MYH10: variants seen among roughly 807,000 people sequenced by gnomAD.
MYH10 encodes the protein myosin heavy chain 10, also known as myosin-10.
In MYH10, 55 loss-of-function variants were observed where a neutral mutation model predicts 257.8. That is an observed-to-expected ratio of 0.21 (90% CI 0.17 to 0.27). The LOEUF (loss-of-function observed/expected upper bound fraction) is 0.27. Among genes scored for constraint, MYH10 ranks in the 10% least tolerant of loss-of-function variants. The pLI is 1.00. For missense variants in MYH10, 1,631 were observed against 2,500.6 expected (o/e 0.65, Z 7.42); for synonymous variants, 854 against 921.7 (o/e 0.93, Z 1.33).
chr17:8,620,787 C>A (rs1175643014), intron 2 of MYH10, among the ~76,000 whole-genome samples: 1 of 152,122 alleles, frequency 6.6e-6, no homozygotes, highest in African/African-American at 2.4e-5. Flanking sequence ...AGGTAAGAAC[C>A]CTTTCTCCAC....
intron 3 of MYH10, among the ~76,000 whole-genome samples, chr17:8,602,041 T>C (rs2084627788): frequency 1.3e-5 from 2 of 149,980 alleles, no homozygotes; most frequent in African/African-American, 4.9e-5. Context: ...AGTGTCACGA[T>C]CTCGGCTCAC....
chr17:8,495,251 G>C lies in MYH10; in HGVS notation c.3952-10C>G, dbSNP rs1286165836. On this transcript the variant is annotated splice_polypyrimidine_tract_variant and intron_variant, in intron 30 of 42. Transcript: ENST00000360416. ...CATTATCTAGCTCATTCTGTAAGGA[G>C]CAGAAGATTAAATTCAACTCAATAG... The C allele has an allele frequency of 6.5e-7, 1 of 1,542,596 alleles. No homozygotes were observed. Among genetic ancestry groups the C allele is most frequent in the East Asian group, 2.2e-5 (1 of 44,544 alleles).
rs1158105274 is a variant in MYH10, at chr17:8,569,045, C to T, written c.756+675G>A. Among the ~76,000 whole-genome samples the T allele has an allele frequency of 6.7e-6, 1 of 149,086 alleles. No individual in the cohort carries two copies. Among genetic ancestry groups the T allele is most frequent in the African/African-American group, 2.5e-5 (1 of 40,550 alleles). ...GGACAACATAGTGAGACCCTAGTCT[C>T]TAAAAAAAAAAAAGTTACTCTTTTA... On this transcript the variant is annotated intron_variant, in intron 7 of 42. Coordinates refer to ENST00000360416, the MANE Select transcript of MYH10 (RefSeq NM_001256012.3). This position sits in a 1 kb window ranked among gnomAD's most constrained non-coding sequence, Gnocchi z 4.1.
At chr17:8,582,752 T>G (rs2083756212) in intron 4 of MYH10, among the ~76,000 whole-genome samples, 1 of 152,268 alleles carries the variant, frequency 6.6e-6, no homozygotes, top group Non-Finnish European at 1.5e-5. Context: ...AGATCATTAA[T>G]ACGTGACCAA....
At position 8,504,003 on chromosome 17, in the gene MYH10, GT is replaced by G. The variant is rs941050962; in HGVS notation, c.3599+690del. On this transcript the variant is annotated intron_variant, in intron 28 of 42. Coordinates refer to ENST00000360416, the MANE Select transcript of MYH10 (RefSeq NM_001256012.3). This position sits in a 1 kb window ranked among gnomAD's most constrained non-coding sequence, Gnocchi z 5.6. ...CCACAGTGATGACACCTATGAGTCC[GT>G]GGGAGCCGCAGGCCAGCACCTCCAG... 6.6e-6 allele frequency among the ~76,000 whole-genome samples: 1 copy of G among 152,170 alleles called. No individual in the cohort carries two copies. Among genetic ancestry groups the G allele is most frequent in the African/African-American group, 2.4e-5 (1 of 41,426 alleles).
intron 21 of MYH10, among the ~76,000 whole-genome samples, chr17:8,516,067 C>T (rs1254206372): frequency 6.6e-6 from 1 of 152,158 alleles, no homozygotes; most frequent in African/African-American, 2.4e-5. Flanking sequence ...ATGCCGGGCA[C>T]TTTGTTTAGT....
intron 7 of MYH10, chr17:8,560,938 C>A: frequency 2.1e-6 from 1 of 472,702 alleles, no homozygotes. Context: ...GCAAGAAGAT[C>A]ACCACTGCCA....
chr17:8,555,350 A>C (rs1169731399), intron 7 of MYH10, among the ~76,000 whole-genome samples: 1 of 152,160 alleles, frequency 6.6e-6, no homozygotes, highest in Non-Finnish European at 1.5e-5. Flanking sequence ...AATTCTGAGA[A>C]AGAAGACCAG....
Position 8,546,649 on chromosome 17 carries a change from G to C in MYH10, c.1173C>G (p.Leu391=), listed in dbSNP as rs1317656337. The change falls in exon 12 of 43, where the codon CTC becomes CTG. Residue 391 remains leucine, a synonymous_variant. Coordinates refer to ENST00000360416, the MANE Select transcript of MYH10 (RefSeq NM_001256012.3). ...TCACATTCATCCCAAGAAGATGGCA[G>C]AGCTTCTGCGCAACTGAAGTGTAAA... is the stretch of plus-strand genomic sequence containing the variant. ...SMPENTVAQK[L]CHLLGMNVME... 8 of 1,613,572 alleles carry C rather than the reference G, an allele frequency of 5.0e-6. No homozygotes were observed. Among genetic ancestry groups the C allele is most frequent in the Non-Finnish European group, 8.5e-7 (1 of 1,179,606 alleles).
At chr17:8,480,731 G>A (rs1451985755) in intron 38 of MYH10, 1 of 649,290 alleles carries the variant, frequency 1.5e-6, no homozygotes, top group Admixed American at 2.3e-5. Flanking sequence ...CCACCCAGAT[G>A]CAGGCCTGTC....
chr17:8,555,187 A>G (rs2082754441), intron 7 of MYH10, among the ~76,000 whole-genome samples: 1 of 152,208 alleles, frequency 6.6e-6, no homozygotes, highest in Non-Finnish European at 1.5e-5. Flanking sequence ...AGAATGGTTT[A>G]TTCTAGGACT....
chr17:8,526,052 A>G (rs1448356950), intron 17 of MYH10, among the ~76,000 whole-genome samples: 2 of 152,180 alleles, frequency 1.3e-5, no homozygotes, highest in Admixed American at 6.5e-5. Flanking sequence ...TGGCCTCTCA[A>G]AGTGCTGGGA....
In MYH10 at chr17:8,623,081, C is replaced by T. The variant is rs751139947; in HGVS notation, c.166G>A (p.Asp56Asn). The change falls in exon 2 of 43, where the codon GAT becomes AAT. Residue 56 changes from aspartate (D) to asparagine (N), a missense_variant. Physicochemically the swap from Asp to Asn is conservative, Grantham distance 23 (BLOSUM62 1). This residue lies in a region of MYH10 where 360 missense variants were observed against 581.9 expected (regional missense o/e 0.62). Transcript: ENST00000360416. ...TCTGCCAACTCCACCATAACTTCAT[C>T]TCCCCGTTCTTCTTTGATACTAGCT... Reference protein sequence around the residue: ...EAASIKEERGDEVMVELAENG... With the variant: ...EAASIKEERGNEVMVELAENG... 6.2e-7 allele frequency: 1 copy of T among 1,614,154 alleles called. No homozygotes were observed. The highest frequency in any genetic ancestry group is 8.5e-7 in the Non-Finnish European group (1 of 1,180,044).
intron 28 of MYH10, among the ~76,000 whole-genome samples, chr17:8,503,426 G>A (rs2080973075): frequency 1.3e-5 from 2 of 152,160 alleles, no homozygotes; most frequent in African/African-American, 4.8e-5. Flanking sequence ...GGCTGCCATA[G>A]CTGTACATAT....
intron 13 of MYH10, among the ~76,000 whole-genome samples, chr17:8,544,692 G>GT (rs1470389104): frequency 1.3e-5 from 2 of 152,094 alleles, no homozygotes; most frequent in African/African-American, 4.8e-5. Flanking sequence ...TATTTACATA[G>GT]TTTACATCTA....
At chr17:8,546,522 T>A in intron 12 of MYH10, 22 bp downstream of exon 12, 1 of 1,581,472 alleles carries the variant, frequency 6.3e-7, no homozygotes, top group Non-Finnish European at 8.7e-7. Flanking sequence ...AAATCAGTAA[T>A]AACAATGAAC....
intron 1 of MYH10, among the ~76,000 whole-genome samples, chr17:8,623,837 G>A (rs1410719910): frequency 2.6e-5 from 4 of 152,106 alleles, no homozygotes; most frequent in Non-Finnish European, 5.9e-5. Flanking sequence ...ATGGCCCCAT[G>A]AGGTCTTAAT....
intron 3 of MYH10, among the ~76,000 whole-genome samples, chr17:8,594,411 T>C (rs2084282501): frequency 6.6e-6 from 1 of 152,146 alleles, no homozygotes; most frequent in Non-Finnish European, 1.5e-5. Flanking sequence ...AAGAATACAA[T>C]TTAATAAAGA....
At chr17:8,487,719 G>A in intron 35 of MYH10, 125 bp from the exon 36 acceptor site, 2 of 1,099,826 alleles carry the variant, frequency 1.8e-6, no homozygotes, top group Non-Finnish European at 2.6e-6. Flanking sequence ...CTCTGTAGAG[G>A]TCTCTGTTAC....
Sources: allele counts gnomAD v4.1 joint callset (sites outside exome capture counted in the v4.1 genomes callset), GRCh38; gene constraint gnomAD v4.1.1; regional missense constraint gnomAD v4.1.1; non-coding constraint Gnocchi (gnomAD v3.1); transcripts MANE v1.5; gene names NCBI Gene and HGNC (gene_info 2026-07-23, HGNC 2026-07-21).